Variants in TYW1B observed in about 807,000 individuals in gnomAD.
TYW1B encodes the protein S-adenosyl-L-methionine-dependent tRNA 4-demethylwyosine synthase TYW1B.
Under a neutral mutation model 86.9 loss-of-function variants are expected in TYW1B, and 73 were observed. The observed-to-expected ratio is 0.84, with a 90% confidence interval of 0.70 to 1.02. The LOEUF (loss-of-function observed/expected upper bound fraction) is 1.02, where lower values mean the gene tolerates loss of function less well. Ranked by LOEUF, TYW1B falls within the 50% of genes least tolerant of loss-of-function variation. The pLI, the probability that TYW1B is intolerant of heterozygous loss-of-function variation, is 0.00. For synonymous variants in TYW1B, 248 were observed against 292.8 expected (o/e 0.85, Z 1.56); for missense variants, 637 against 827.4 (o/e 0.77, Z 2.82).
At chr7:72,706,680 A>G (rs1219588236) in intron 10 of TYW1B, among the ~76,000 whole-genome samples, 2 of 152,172 alleles carry the variant, frequency 1.3e-5, no homozygotes, top group African/African-American at 4.8e-5. Flanking sequence ...GGCAGATGAC[A>G]CTCAGCCTCA....
At chr7:72,595,368 C>T (rs1298517959) in intron 13 of TYW1B, among the ~76,000 whole-genome samples, 6 of 152,110 alleles carry the variant, frequency 3.9e-5, no homozygotes, top group Non-Finnish European at 5.9e-5. Flanking sequence ...AAAGAAAAAA[C>T]AAAAACAAAA....
chr7:72,759,782 G>A (rs1456365379), intron 7 of TYW1B, among the ~76,000 whole-genome samples: 1 of 152,142 alleles, frequency 6.6e-6, no homozygotes, highest in African/African-American at 2.4e-5. Context: ...ATGCCTTTAC[G>A]AATTACAACA....
intron 8 of TYW1B, among the ~76,000 whole-genome samples, chr7:72,733,679 A>G (rs1158841378): frequency 2.0e-5 from 3 of 152,154 alleles, no homozygotes; most frequent in African/African-American, 7.2e-5. Flanking sequence ...AAGAAAGAAA[A>G]AAAAGAAAAT....
At chr7:72,582,288 T>C (rs1811174080) in intron 13 of TYW1B, among the ~76,000 whole-genome samples, 1 of 152,076 alleles carries the variant, frequency 6.6e-6, no homozygotes, top group South Asian at 2.1e-4. Context: ...CTGAGGCACA[T>C]TATAGCGAAA....
chr7:72,645,130 A>G (rs1812897692), intron 11 of TYW1B, among the ~76,000 whole-genome samples: 1 of 152,160 alleles, frequency 6.6e-6, no homozygotes, highest in South Asian at 2.1e-4. Context: ...CCCAGCCATG[A>G]CTTTCTTAAA....
chr7:72,792,084 C>T (rs1251902457), intron 6 of TYW1B, among the ~76,000 whole-genome samples: 4 of 152,132 alleles, frequency 2.6e-5, no homozygotes, highest in Admixed American at 2.6e-4. Context: ...AATCCCAACA[C>T]TTTGGGAGAC....
intron 4 of TYW1B, among the ~76,000 whole-genome samples, chr7:72,808,573 G>GC (rs2129572632): frequency 6.9e-6 from 1 of 144,116 alleles, no homozygotes; most frequent in Non-Finnish European, 1.5e-5. Flanking sequence ...TGTTACCCAG[G>GC]CTGGAGTGCA....
chr7:72,785,373 TAA>T (rs781951906), intron 6 of TYW1B, among the ~76,000 whole-genome samples: 4 of 147,776 alleles, frequency 2.7e-5, no homozygotes, highest in East Asian at 1.9e-4. Context: ...TATATTAAAT[TAA>T]AGTTATATTC....
chr7:72,660,348 T>C (rs1813299148), intron 11 of TYW1B, among the ~76,000 whole-genome samples: 1 of 152,086 alleles, frequency 6.6e-6, no homozygotes, highest in Non-Finnish European at 1.5e-5. Context: ...CACTCCAGCC[T>C]GGTCAAAAGA....
intron 7 of TYW1B, among the ~76,000 whole-genome samples, chr7:72,766,239 C>T (rs1554468314): frequency 6.6e-6 from 1 of 152,228 alleles, no homozygotes; most frequent in African/African-American, 2.4e-5. Context: ...AATTGGTTTT[C>T]TTTAAGCCTA....
chr7:72,694,875 C>G, intron 10 of TYW1B, 53 bp from the exon 11 acceptor site: 1 of 1,566,908 alleles, frequency 6.4e-7, no homozygotes, highest in East Asian at 2.3e-5. Flanking sequence ...CTCTATCAGG[C>G]TTTCCATGAT....
chr7:72,632,594 T>C (rs1197771410), intron 11 of TYW1B, among the ~76,000 whole-genome samples: 2 of 143,574 alleles, frequency 1.4e-5, no homozygotes, highest in East Asian at 2.1e-4. Flanking sequence ...CAAAAACCAA[T>C]CTACATGGAG....
At chr7:72,605,334 T>C (rs577362681) in intron 13 of TYW1B, among the ~76,000 whole-genome samples, 1 of 151,870 alleles carries the variant, frequency 6.6e-6, no homozygotes, top group African/African-American at 2.4e-5. Flanking sequence ...CTCTGGAATG[T>C]TGTGGTTTTT....
intron 7 of TYW1B, among the ~76,000 whole-genome samples, chr7:72,776,364 A>G (rs1306112588): frequency 2.0e-5 from 3 of 151,854 alleles, no homozygotes; most frequent in African/African-American, 7.3e-5. Context: ...GTGGCAGATC[A>G]CTTGAGGCCA....
At chr7:72,682,600 A>G (rs1220629003) in intron 11 of TYW1B, among the ~76,000 whole-genome samples, 2 of 152,216 alleles carry the variant, frequency 1.3e-5, no homozygotes, top group African/African-American at 4.8e-5. Flanking sequence ...CTAGTTTCCA[A>G]TGCAGCAAGA....
intron 11 of TYW1B, among the ~76,000 whole-genome samples, chr7:72,686,415 C>A (rs1400839155): frequency 6.6e-6 from 1 of 152,142 alleles, no homozygotes; most frequent in Non-Finnish European, 1.5e-5. Context: ...ATGGAAGGAA[C>A]CTTAAATGCA....
At chr7:72,739,346 C>T (rs1481134775) in intron 8 of TYW1B, among the ~76,000 whole-genome samples, 3 of 152,028 alleles carry the variant, frequency 2.0e-5, no homozygotes. Context: ...TGGCTCACTC[C>T]TGTAATCTCA....
intron 8 of TYW1B, among the ~76,000 whole-genome samples, chr7:72,734,837 G>A (rs1478244152): frequency 5.3e-5 from 4 of 76,122 alleles, no homozygotes; most frequent in African/African-American, 7.5e-5. Context: ...ACATATACAA[G>A]TAGCAAACAA....
At chr7:72,783,947 A>G (rs1788088819) in intron 6 of TYW1B, among the ~76,000 whole-genome samples, 2 of 152,222 alleles carry the variant, frequency 1.3e-5, no homozygotes, top group Non-Finnish European at 2.9e-5. Flanking sequence ...TGCAATACCA[A>G]CAGAACTTTA....
Sources: allele counts gnomAD v4.1 joint callset (sites outside exome capture counted in the v4.1 genomes callset), GRCh38; gene constraint gnomAD v4.1.1; transcripts MANE v1.5; gene names NCBI Gene and HGNC (gene_info 2026-07-23, HGNC 2026-07-21).